The following BRD4 variants were observed in gnomAD, a reference collection of about 807,000 sequenced individuals.
The protein encoded by BRD4 is bromodomain-containing protein 4.
A neutral mutation model predicts 142.1 loss-of-function variants in BRD4; 16 were observed. The observed-to-expected ratio is 0.11, with a 90% CI of 0.08 to 0.17. The LOEUF is 0.17. Ranked by LOEUF, BRD4 falls within the 10% of genes least tolerant of loss-of-function variation. The pLI is 1.00. For synonymous variants in BRD4, 833 were observed against 707.5 expected, an observed-to-expected ratio of 1.18 and a Z score of -2.82; for missense variants, 1,424 against 1,810.9, an observed-to-expected ratio of 0.79 and a Z score of 3.88.
At chr19:15,277,800 C>G (rs2047663751) in intron 1 of BRD4, among the ~76,000 whole-genome samples, 1 of 148,362 alleles carries the variant, frequency 6.7e-6, no homozygotes, top group African/African-American at 2.5e-5. Flanking sequence ...CAAAACAAAA[C>G]AAAACAAAAC....
At chr19:15,284,394 T>A (rs966561769) in intron 1 of BRD4, among the ~76,000 whole-genome samples, 2 of 152,174 alleles carry the variant, frequency 1.3e-5, no homozygotes, top group South Asian at 4.1e-4. Context: ...AACTGAAGAC[T>A]GACCCAAGAC....
intron 7 of BRD4, among the ~76,000 whole-genome samples, chr19:15,259,015 AG>A (rs932912218): frequency 6.6e-6 from 1 of 152,036 alleles, no homozygotes; most frequent in Non-Finnish European, 1.5e-5. Context: ...AGGGAGGAAA[AG>A]GTGGGGGGCT....
intron 11 of BRD4, chr19:15,246,907 GGT>G (rs2047292794): frequency 5.8e-6 from 1 of 171,698 alleles, no homozygotes; most frequent in Non-Finnish European, 1.3e-5. Flanking sequence ...TGGTGGTAGA[GGT>G]ACCCCCTTCT....
chr19:15,270,793 A>C (rs1222669454), intron 2 of BRD4, among the ~76,000 whole-genome samples: 1 of 152,086 alleles, frequency 6.6e-6, no homozygotes, highest in African/African-American at 2.4e-5. Context: ...TAGCATGATG[A>C]TGCTCCTGAT....
At chr19:15,308,262 GC>G (rs2047934671) in intron 1 of BRD4, among the ~76,000 whole-genome samples, 2 of 141,520 alleles carry the variant, frequency 1.4e-5, no homozygotes, top group Admixed American at 1.5e-4. Context: ...CTGTACTCCA[GC>G]CTGGGCAACA....
intron 14 of BRD4, 37 bp downstream of exon 14, chr19:15,242,863 C>A: frequency 6.3e-7 from 1 of 1,579,196 alleles, no homozygotes; most frequent in Non-Finnish European, 8.6e-7. Flanking sequence ...AGGCCCAGCA[C>A]CAGCCTCCCC....
intron 7 of BRD4, 51 bp downstream of exon 7, chr19:15,263,369 G>A (rs1186568108): frequency 8.8e-6 from 14 of 1,584,438 alleles, no homozygotes; most frequent in East Asian, 4.5e-5. Flanking sequence ...CTGCTCCCAC[G>A]AGGACCTCAG....
intron 1 of BRD4, among the ~76,000 whole-genome samples, chr19:15,292,460 T>C (rs1310402383): frequency 6.6e-6 from 1 of 152,038 alleles, no homozygotes; most frequent in African/African-American, 2.4e-5. Flanking sequence ...CGTGAGCAAA[T>C]GAGAAAACAA....
chr19:15,288,708 G>A (rs1176206768), intron 1 of BRD4, among the ~76,000 whole-genome samples: 1 of 152,242 alleles, frequency 6.6e-6, no homozygotes, highest in Non-Finnish European at 1.5e-5. Flanking sequence ...AAGGGAGGAA[G>A]TCAACGCCCG....
chr19:15,290,994 A>G (rs1193320691), intron 1 of BRD4, among the ~76,000 whole-genome samples: 1 of 152,202 alleles, frequency 6.6e-6, no homozygotes, highest in Non-Finnish European at 1.5e-5. Flanking sequence ...TCCCAGATGG[A>G]AAGAAGTGGG....
intron 7 of BRD4, among the ~76,000 whole-genome samples, chr19:15,258,291 C>T (rs1255630953): frequency 1.3e-5 from 2 of 151,340 alleles, no homozygotes; most frequent in Non-Finnish European, 3.0e-5. Flanking sequence ...TGATTCCCTC[C>T]CCTCCAGGAC....
At position 15,239,465 on chromosome 19, in the gene BRD4, T is replaced by C. The variant is rs765904944; in HGVS notation, c.3503A>G (p.Asn1168Ser). Residue 1168 changes from asparagine to serine, a missense_variant, in exon 17 of 20, where the codon AAC becomes AGC. By Grantham distance (46) the Asn-to-Ser change is conservative. Around this residue, in one of 16 missense-constraint regions of BRD4, gnomAD observed 598 missense variants for 647.8 expected, o/e 0.92. Coordinates refer to ENST00000679869, the MANE Select transcript of BRD4 (RefSeq NM_001379291.1). This position sits in a 1 kb window ranked among gnomAD's most constrained non-coding sequence, Gnocchi z 7.4. The stretch of plus-strand genomic sequence containing the variant: ...GTCAGGGGCCCCTGGTGGCGGTGCG[T>C]TCTGCTCTGGGGGCCGGATCACAGG... Reference protein sequence around the residue: ...GRPVIRPPEQNAPPPGAPDKD... With the variant: ...GRPVIRPPEQSAPPPGAPDKD... 4 of 1,614,116 alleles carry C rather than the reference T, an allele frequency of 2.5e-6. No individual in the cohort carries two copies. Among genetic ancestry groups the C allele is most frequent in the South Asian group, 2.2e-5 (2 of 91,088 alleles).
At chr19:15,305,535 G>A (rs181854434) in intron 1 of BRD4, among the ~76,000 whole-genome samples, 126 of 152,208 alleles carry the variant, frequency 8.3e-4, no homozygotes, top group East Asian at 3.1e-3. Flanking sequence ...TCTCAACAGC[G>A]GGCTTAAAAT....
In BRD4 at chr19:15,236,551, A is replaced by C. The variant is rs956768328; in HGVS notation, c.*1826T>G. Reference sequence around the variant, plus strand: ...GACAGGATGGAGTAGGGTGGAGGGGAAGAATACTGTCTGGAGTCTGGCCAG... The same window carrying C: ...GACAGGATGGAGTAGGGTGGAGGGGCAGAATACTGTCTGGAGTCTGGCCAG... On this transcript the variant is annotated 3_prime_UTR_variant, in exon 20 of 20. Transcript: ENST00000679869. The C allele has an allele frequency of 2.0e-5, 3 of 152,680 alleles. No individual in the cohort carries two copies. The East Asian group carries it at 5.7e-4, about 29-fold the overall frequency. The allele number at this position is 152,680 out of a possible 1,614,324, so 9.5% of individuals were successfully genotyped here. A position where few individuals can be genotyped will look rare whatever the true frequency, so the allele number is the denominator to read the frequency against.
chr19:15,259,290 G>A (rs3746202), intron 7 of BRD4, among the ~76,000 whole-genome samples: 21,165 of 152,248 alleles, frequency 0.14, 1,705 homozygotes, highest in Middle Eastern at 0.2. Flanking sequence ...GACAAAGGGA[G>A]TGCCCTCTAC....
At chr19:15,262,454 C>T (rs761707096) in intron 7 of BRD4, among the ~76,000 whole-genome samples, 66 of 149,002 alleles carry the variant, frequency 4.4e-4, no homozygotes, top group Non-Finnish European at 7.8e-4. Context: ...TCTGAGAGTC[C>T]GAGGCAGGTG....
intron 9 of BRD4, 125 bp from the exon 10 acceptor site, chr19:15,255,717 C>G (rs2047401231): frequency 7.9e-7 from 1 of 1,269,706 alleles, no homozygotes; most frequent in Non-Finnish European, 1.1e-6. Flanking sequence ...CCAGCCTTCA[C>G]AGGAAACGGG....
intron 7 of BRD4, among the ~76,000 whole-genome samples, chr19:15,262,524 TAAAA>T (rs559468375): frequency 4.1e-5 from 4 of 97,798 alleles, no homozygotes; most frequent in African/African-American, 1.5e-4. Context: ...CCCATCTCTT[TAAAA>T]AAAAAAAAAA....
Position 15,255,207 on chromosome 19 carries a change from G to A in BRD4, c.2047+90C>T. The A allele has an allele frequency of 2.3e-6, 3 of 1,281,216 alleles. No individual in the cohort carries two copies. In the South Asian group the frequency reaches 4.5e-5, roughly 19 times the overall value. 79.4% of individuals were successfully genotyped at this position (1,281,216 alleles called of 1,614,324 possible). On this transcript the variant is annotated intron_variant, in intron 10 of 19. Coordinates refer to ENST00000679869, the MANE Select transcript of BRD4 (RefSeq NM_001379291.1). Reference sequence around the variant, plus strand: ...ATAATTGGAAAAAAAAAAGGGGGGGGGCGCAGAAAGAGTGGACTGAGCAAG... The same window carrying A: ...ATAATTGGAAAAAAAAAAGGGGGGGAGCGCAGAAAGAGTGGACTGAGCAAG...
Sources: gnomAD v4.1 joint callset for allele counts (sites outside exome capture counted in the v4.1 genomes callset) on GRCh38, gnomAD v4.1.1 for gene constraint, gnomAD v4.1.1 regional missense constraint, Gnocchi (gnomAD v3.1) non-coding constraint, MANE v1.5 for transcripts, NCBI Gene and HGNC (gene_info 2026-07-23, HGNC 2026-07-21) for gene names.